The following MAP2K1 variants were observed in gnomAD, a reference collection of about 807,000 sequenced individuals.
The protein encoded by MAP2K1 is mitogen-activated protein kinase kinase 1.
A neutral mutation model predicts 46.3 loss-of-function variants in MAP2K1; 16 were observed. The observed-to-expected ratio is 0.35, with a 90% CI of 0.23 to 0.52. MAP2K1 has a LOEUF of 0.52. Ranked by LOEUF, MAP2K1 falls within the 20% of genes least tolerant of loss-of-function variation. The probability of loss-of-function intolerance (pLI) is 0.94; values close to 1 mark genes in which losing one functional copy is unlikely to be tolerated. For missense variants in MAP2K1, 263 were observed against 497.1 expected (o/e 0.53, Z 4.48); for synonymous variants, 183 against 185.6 (o/e 0.99, Z 0.11).
At chr15:66,481,264 A>C (rs1426656375) in intron 5 of MAP2K1, among the ~76,000 whole-genome samples, 2 of 152,186 alleles carry the variant, frequency 1.3e-5, no homozygotes, top group African/African-American at 4.8e-5. Context: ...CACATGCTCC[A>C]TGCCTGGTGC....
chr15:66,489,001 ATTTGAG>A, intron 8 of MAP2K1: 1 of 614,224 alleles, frequency 1.6e-6, no homozygotes, highest in Admixed American at 2.7e-5. Flanking sequence ...TAAATGTGCT[ATTTGAG>A]ATCAGTGGTT....
intron 5 of MAP2K1, among the ~76,000 whole-genome samples, chr15:66,458,565 G>A (rs1172984398): frequency 1.3e-5 from 2 of 152,166 alleles, no homozygotes; most frequent in East Asian, 3.8e-4. Context: ...CGCCCAGGCT[G>A]GAATGTGGTG....
intron 3 of MAP2K1, among the ~76,000 whole-genome samples, chr15:66,438,279 G>C (rs2093494169): frequency 6.6e-6 from 1 of 151,790 alleles, no homozygotes; most frequent in Non-Finnish European, 1.5e-5. Context: ...ACTAGAGATG[G>C]GGTTTCACCA....
rs2140579601 is a variant in MAP2K1, at chr15:66,435,172, G to T, written c.226G>T (p.Ala76Ser). The T allele has an allele frequency of 6.2e-7, 1 of 1,614,122 alleles. No homozygotes were observed. The highest frequency in any genetic ancestry group is 8.5e-7 in the Non-Finnish European group (1 of 1,180,018). Reference protein sequence around the residue: ...DDFEKISELGAGNGGVVFKVS... With the variant: ...DDFEKISELGSGNGGVVFKVS... ...CTTTGAGAAGATCAGTGAGCTGGGG[G>T]CTGGCAATGGCGGTGTGGTGTTCAA... The change falls in exon 2 of 11, where the codon GCT becomes TCT. Residue 76 changes from alanine to serine, a missense_variant. Coordinates refer to ENST00000307102, the MANE Select transcript of MAP2K1 (RefSeq NM_002755.4).
intron 1 of MAP2K1, among the ~76,000 whole-genome samples, chr15:66,434,470 T>C (rs999562747): frequency 2.0e-5 from 3 of 152,192 alleles, no homozygotes; most frequent in East Asian, 1.9e-4. Context: ...TTTATATACA[T>C]TGAGTAAAAA....
chr15:66,389,068 G>C (rs992557732), intron 1 of MAP2K1, among the ~76,000 whole-genome samples: 1 of 151,564 alleles, frequency 6.6e-6, no homozygotes, highest in Non-Finnish European at 1.5e-5. Flanking sequence ...CACCATGCCC[G>C]GCTAATTTTG....
intron 1 of MAP2K1, chr15:66,401,997 C>G: frequency 7.5e-7 from 1 of 1,337,432 alleles, no homozygotes; most frequent in Admixed American, 2.2e-5. Context: ...TGAAAAATCA[C>G]ATGCAAATTT....
chr15:66,398,110 A>G (rs80298548), intron 1 of MAP2K1, among the ~76,000 whole-genome samples: 15,545 of 151,390 alleles, frequency 0.1, 844 homozygotes, highest in African/African-American at 0.14. Context: ...TAAAAAAAAA[A>G]AAGTCAGTAT....
At chr15:66,455,642 A>G (rs1461631734) in intron 5 of MAP2K1, among the ~76,000 whole-genome samples, 1 of 152,086 alleles carries the variant, frequency 6.6e-6, no homozygotes, top group East Asian at 1.9e-4. Context: ...AGTTTGGTAC[A>G]TTGCCTTGGT....
intron 5 of MAP2K1, among the ~76,000 whole-genome samples, chr15:66,455,220 AG>A (rs1892136517): frequency 6.6e-6 from 1 of 152,204 alleles, no homozygotes; most frequent in African/African-American, 2.4e-5. Context: ...GCTAGTTGAT[AG>A]TCCATTGCCT....
intron 1 of MAP2K1, among the ~76,000 whole-genome samples, chr15:66,404,875 G>C (rs1314002862): frequency 1.3e-5 from 2 of 152,168 alleles, no homozygotes; most frequent in Non-Finnish European, 2.9e-5. Flanking sequence ...AACAATTCCT[G>C]AGCAAGTTGC....
intron 5 of MAP2K1, among the ~76,000 whole-genome samples, chr15:66,468,698 C>T (rs574893928): frequency 2.6e-5 from 4 of 152,128 alleles, no homozygotes; most frequent in Non-Finnish European, 4.4e-5. Flanking sequence ...TTTGGGAGGC[C>T]GAGGTGGGCG....
At chr15:66,411,120 C>A (rs933766782) in intron 1 of MAP2K1, among the ~76,000 whole-genome samples, 1 of 151,148 alleles carries the variant, frequency 6.6e-6, no homozygotes, top group African/African-American at 2.4e-5. Context: ...TCCTTTTTGA[C>A]TGATTAAGCA....
intron 1 of MAP2K1, among the ~76,000 whole-genome samples, chr15:66,416,684 C>T (rs1378055428): frequency 6.6e-6 from 1 of 152,100 alleles, no homozygotes; most frequent in East Asian, 1.9e-4. Context: ...TGGAATTTGG[C>T]TCCTTTTCCT....
intron 1 of MAP2K1, among the ~76,000 whole-genome samples, chr15:66,426,953 C>T (rs950571781): frequency 1.3e-5 from 2 of 152,180 alleles, no homozygotes; most frequent in Non-Finnish European, 2.9e-5. Context: ...GTTTGAAGCC[C>T]TAGTTGTTAC....
At position 66,489,721 on chromosome 15, in the gene MAP2K1, A is replaced by G; in HGVS notation, c.1026A>G (p.Leu342=). Residue 342 remains leucine, a synonymous_variant, in exon 10 of 11, where the codon TTA becomes TTG. Coordinates refer to ENST00000307102, the MANE Select transcript of MAP2K1 (RefSeq NM_002755.4). ...ACCTTGTCTTTCTTCCTTTAAGCTT[A>G]ATAAAAAACCCCGCAGAGAGAGCAG... ...LEFQDFVNKC[L]IKNPAERADL... 1 of 1,613,582 alleles carries G rather than the reference A, an allele frequency of 6.2e-7. No individual in the cohort carries two copies. Among genetic ancestry groups the G allele is most frequent in the Non-Finnish European group, 8.5e-7 (1 of 1,179,456 alleles).
At chr15:66,475,530 C>A (rs76623374) in intron 5 of MAP2K1, among the ~76,000 whole-genome samples, 1 of 152,044 alleles carries the variant, frequency 6.6e-6, no homozygotes, top group South Asian at 2.1e-4. Flanking sequence ...CTTTCTCTTC[C>A]CCCAAGCCCC....
At chr15:66,452,414 G>T (rs1443381541) in intron 5 of MAP2K1, among the ~76,000 whole-genome samples, 1 of 151,808 alleles carries the variant, frequency 6.6e-6, no homozygotes, top group Non-Finnish European at 1.5e-5. Flanking sequence ...TGATTGGTTT[G>T]AGGGGGAAAC....
chr15:66,470,713 AG>A (rs1191732850), intron 5 of MAP2K1, among the ~76,000 whole-genome samples: 2 of 152,156 alleles, frequency 1.3e-5, no homozygotes, highest in Admixed American at 1.3e-4. Flanking sequence ...GATTTGTCAA[AG>A]GTCAGGGGCA....
Sources: gnomAD v4.1 joint callset for allele counts (sites outside exome capture counted in the v4.1 genomes callset) on GRCh38, gnomAD v4.1.1 for gene constraint, MANE v1.5 for transcripts, NCBI Gene and HGNC (gene_info 2026-07-23, HGNC 2026-07-21) for gene names.